Variants in RNF144A observed in about 807,000 individuals in gnomAD.
The protein encoded by RNF144A is E3 ubiquitin-protein ligase RNF144A.
Under a neutral mutation model 38.7 loss-of-function variants are expected in RNF144A, and 11 were observed. That is an observed-to-expected ratio of 0.28 (90% CI 0.18 to 0.47). The LOEUF is 0.47. RNF144A is among the 20% of genes least tolerant of loss of function. The probability of loss-of-function intolerance (pLI) is 0.99; values close to 1 mark genes in which losing one functional copy is unlikely to be tolerated. For missense variants in RNF144A, 316 were observed against 377.2 expected, an observed-to-expected ratio of 0.84 and a Z score of 1.34; for synonymous variants, 149 against 143.9, an observed-to-expected ratio of 1.04 and a Z score of -0.25.
intron 2 of RNF144A, among the ~76,000 whole-genome samples, chr2:6,988,501 T>C (rs532716545): frequency 1.1e-4 from 17 of 152,314 alleles, no homozygotes; most frequent in East Asian, 7.7e-4. Flanking sequence ...TGGGATTTAT[T>C]TGATGCTCTT....
At chr2:6,957,583 G>A (rs1052047176) in intron 2 of RNF144A, among the ~76,000 whole-genome samples, 6 of 152,066 alleles carry the variant, frequency 3.9e-5, no homozygotes, top group Non-Finnish European at 8.8e-5. Flanking sequence ...TGGGTACCCC[G>A]CATGGTTTAT....
intron 6 of RNF144A, among the ~76,000 whole-genome samples, chr2:7,056,920 C>G (rs1345535895): frequency 6.6e-6 from 1 of 152,214 alleles, no homozygotes; most frequent in African/African-American, 2.4e-5. Flanking sequence ...CCTGGAACAG[C>G]ATTTCAGCCC....
chr2:7,060,534 C>A (rs1430648952), intron 6 of RNF144A, among the ~76,000 whole-genome samples: 1 of 152,200 alleles, frequency 6.6e-6, no homozygotes, highest in African/African-American at 2.4e-5. Flanking sequence ...GGCAAAACTT[C>A]AGCCAGAATA....
At chr2:7,037,603 A>C (rs1191935577) in intron 8 of RNF144A, among the ~76,000 whole-genome samples, 1 of 152,266 alleles carries the variant, frequency 6.6e-6, no homozygotes, top group Non-Finnish European at 1.5e-5. Context: ...GATTCCCAGC[A>C]TTAGCACAAT....
intron 2 of RNF144A, among the ~76,000 whole-genome samples, chr2:6,981,073 A>G (rs1389688888): frequency 1.3e-5 from 2 of 152,214 alleles, no homozygotes; most frequent in Non-Finnish European, 2.9e-5. Context: ...AAGGCTGCAC[A>G]GAGCAGCTGA....
chr2:7,055,830 A>G (rs1028899677), intron 6 of RNF144A, among the ~76,000 whole-genome samples: 1 of 152,204 alleles, frequency 6.6e-6, no homozygotes, highest in Admixed American at 6.5e-5. Flanking sequence ...GAGCAAAACT[A>G]GCACTGTCCT....
At chr2:7,064,093 C>A (rs1241667683) in intron 6 of RNF144A, among the ~76,000 whole-genome samples, 2 of 152,124 alleles carry the variant, frequency 1.3e-5, no homozygotes, top group African/African-American at 4.8e-5. Context: ...GATAACTAAC[C>A]TGCTTCCACA....
rs532806518 is a variant in RNF144A, at chr2:6,933,736, C to T, written c.-211-7212C>T. Among the ~76,000 whole-genome samples the T allele has an allele frequency of 4.6e-3, 690 of 150,908 alleles. 4 individuals are homozygous for T. Among genetic ancestry groups the T allele is most frequent in the African/African-American group, 0.016 (673 of 41,144 alleles). On this transcript the variant is annotated intron_variant, in intron 1 of 8. Coordinates refer to ENST00000320892, the MANE Select transcript of RNF144A (RefSeq NM_014746.6). ...AGTATATAAATTAAGTGTGTGTTCA[C>T]AGATGGGATCATAGTGTATACATAT...
intron 1 of RNF144A, among the ~76,000 whole-genome samples, chr2:6,921,881 G>C (rs1429119952): frequency 6.6e-6 from 1 of 152,170 alleles, no homozygotes; most frequent in African/African-American, 2.4e-5. Context: ...AAACAGCCTG[G>C]GGTGGACAGG....
rs1233481029 is a variant in RNF144A, at chr2:6,939,953, A to G, written c.-211-995A>G. On this transcript the variant is annotated intron_variant, in intron 1 of 8. Transcript: ENST00000320892. ...TCACTATTACACTATCTTGATTAATATAGCTTTATAGTAAGTTTTGACATT... is the reference window on the plus strand; with the variant it reads ...TCACTATTACACTATCTTGATTAATGTAGCTTTATAGTAAGTTTTGACATT... 3.9e-5 allele frequency among the ~76,000 whole-genome samples: 6 copies of G among 152,314 alleles called. No individual in the cohort carries two copies. In the East Asian group the frequency reaches 9.6e-4, roughly 24 times the overall value.
intron 3 of RNF144A, among the ~76,000 whole-genome samples, chr2:7,001,616 G>A (rs905247635): frequency 6.6e-6 from 1 of 152,156 alleles, no homozygotes; most frequent in Non-Finnish European, 1.5e-5. Context: ...GGTCGAGGCC[G>A]CAGTGAGCCA....
chr2:7,003,036 A>G (rs568506663), intron 3 of RNF144A, among the ~76,000 whole-genome samples: 1 of 152,164 alleles, frequency 6.6e-6, no homozygotes, highest in South Asian at 2.1e-4. Context: ...AAGCTTACAG[A>G]ATAAGGATAT....
chr2:6,945,557 A>C (rs1460383488), intron 2 of RNF144A, among the ~76,000 whole-genome samples: 1 of 152,182 alleles, frequency 6.6e-6, no homozygotes, highest in East Asian at 1.9e-4. Flanking sequence ...AGAGAACAGC[A>C]AGTGCCTGTT....
intron 3 of RNF144A, among the ~76,000 whole-genome samples, chr2:7,013,581 T>A (rs1047750613): frequency 6.6e-6 from 1 of 152,360 alleles, no homozygotes; most frequent in South Asian, 2.1e-4. Context: ...TTTTCTATGC[T>A]CTTTGAGTTC....
At position 7,040,687 on chromosome 2, in the gene RNF144A, A is replaced by C; in HGVS notation, c.*927A>C. The C allele has an allele frequency of 1.0e-6, 1 of 985,490 alleles. No individual in the cohort carries two copies. The highest frequency in any genetic ancestry group is 1.7e-5 in the African/African-American group (1 of 57,370). The allele number at this position is 985,490 out of a possible 1,614,324, so 61.0% of individuals were successfully genotyped here. A position where few individuals can be genotyped will look rare whatever the true frequency, so the allele number is the denominator to read the frequency against. On this transcript the variant is annotated 3_prime_UTR_variant, in exon 9 of 9. Transcript: ENST00000320892. ...CGTCTGGCCTCTGGCCTCAGTCTTC[A>C]GATAGACAGTAAGAAGAAAGCAGCC... is the stretch of plus-strand genomic sequence containing the variant.
chr2:6,940,189 A>T (rs377186185), intron 1 of RNF144A, among the ~76,000 whole-genome samples: 2 of 152,206 alleles, frequency 1.3e-5, no homozygotes, highest in East Asian at 3.8e-4. Context: ...TCTTAGCAAC[A>T]TTGTCTTCCA....
intron 6 of RNF144A, among the ~76,000 whole-genome samples, chr2:7,067,053 G>T (rs2103483287): frequency 6.6e-6 from 1 of 152,282 alleles, no homozygotes; most frequent in South Asian, 2.1e-4. Flanking sequence ...AAGCAAATCA[G>T]TCTTTGCTTA....
intron 1 of RNF144A, among the ~76,000 whole-genome samples, chr2:6,930,885 C>T (rs1183855015): frequency 6.6e-6 from 1 of 152,168 alleles, no homozygotes; most frequent in African/African-American, 2.4e-5. Flanking sequence ...TGAGCCACTG[C>T]GCCTGGCTAA....
chr2:7,025,736 A>T (rs189748140), intron 7 of RNF144A, among the ~76,000 whole-genome samples: 212 of 152,348 alleles, frequency 1.4e-3, no homozygotes, highest in Admixed American at 3.0e-3. Flanking sequence ...ATCTGTTGGA[A>T]CCATTGTAGC....
Sources: gnomAD v4.1 joint callset for allele counts (sites outside exome capture counted in the v4.1 genomes callset) on GRCh38, gnomAD v4.1.1 for gene constraint, MANE v1.5 for transcripts, NCBI Gene and HGNC (gene_info 2026-07-23, HGNC 2026-07-21) for gene names.